SLC9A9: variants seen among roughly 807,000 people sequenced by gnomAD.
SLC9A9 encodes the protein solute carrier family 9 member A9.
In SLC9A9, 62 loss-of-function variants were observed where a neutral mutation model predicts 77.8. That is an observed-to-expected ratio of 0.80 (90% confidence interval 0.65 to 0.98). The LOEUF is 0.98. Ranked by LOEUF, SLC9A9 falls within the 50% of genes least tolerant of loss-of-function variation. The pLI, the probability that SLC9A9 is intolerant of heterozygous loss-of-function variation, is 0.00. For missense variants in SLC9A9, 775 were observed against 774.9 expected, an observed-to-expected ratio of 1.00 and a Z score of 0.00; for synonymous variants, 320 against 283.5, an observed-to-expected ratio of 1.13 and a Z score of -1.29.
At chr3:143,485,360 C>T (rs944570855) in intron 11 of SLC9A9, among the ~76,000 whole-genome samples, 3 of 152,058 alleles carry the variant, frequency 2.0e-5, no homozygotes, top group Admixed American at 6.6e-5. Context: ...ATTTTTTTCA[C>T]CTTCGATTTT....
At chr3:143,386,731 A>T (rs1204150246) in intron 12 of SLC9A9, among the ~76,000 whole-genome samples, 1 of 152,170 alleles carries the variant, frequency 6.6e-6, no homozygotes, top group Non-Finnish European at 1.5e-5. Flanking sequence ...CAACCACCAC[A>T]ATTGAGCCAC....
chr3:143,558,995 G>C (rs562455573), intron 8 of SLC9A9, among the ~76,000 whole-genome samples: 2 of 152,240 alleles, frequency 1.3e-5, no homozygotes, highest in African/African-American at 2.4e-5. Flanking sequence ...TTTCCCCCAT[G>C]CTGTTCTCAT....
At chr3:143,749,648 G>A (rs949144868) in intron 4 of SLC9A9, among the ~76,000 whole-genome samples, 21 of 152,294 alleles carry the variant, frequency 1.4e-4, no homozygotes, top group Admixed American at 1.2e-3. Flanking sequence ...ATGGTTACTT[G>A]GGATAAAAGA....
At chr3:143,490,429 C>CA (rs2035721470) in intron 11 of SLC9A9, among the ~76,000 whole-genome samples, 1 of 151,994 alleles carries the variant, frequency 6.6e-6, no homozygotes, top group Non-Finnish European at 1.5e-5. Flanking sequence ...CACAAAAAGA[C>CA]AAATACTATA....
intron 12 of SLC9A9, among the ~76,000 whole-genome samples, chr3:143,434,680 T>C (rs2034589009): frequency 6.6e-6 from 1 of 152,148 alleles, no homozygotes; most frequent in African/African-American, 2.4e-5. Context: ...TAGGTCATCT[T>C]ATCTCACCTG....
intron 4 of SLC9A9, among the ~76,000 whole-genome samples, chr3:143,762,175 C>A (rs1367895416): frequency 1.3e-5 from 2 of 151,918 alleles, no homozygotes; most frequent in South Asian, 2.1e-4. Context: ...GGAACATCAC[C>A]CACTGGGGCC....
intron 4 of SLC9A9, among the ~76,000 whole-genome samples, chr3:143,770,485 G>C (rs757063105): frequency 1.3e-5 from 2 of 152,168 alleles, no homozygotes; most frequent in Non-Finnish European, 2.9e-5. Flanking sequence ...GAATATCTGG[G>C]TAACAATCTT....
chr3:143,801,457 T>C (rs1055922748), intron 2 of SLC9A9, among the ~76,000 whole-genome samples: 4 of 152,146 alleles, frequency 2.6e-5, no homozygotes, highest in Non-Finnish European at 1.5e-5. Context: ...GCTCCTTCAG[T>C]TATACTCACT....
chr3:143,574,435 G>A (rs1169220384), intron 7 of SLC9A9, among the ~76,000 whole-genome samples: 1 of 152,166 alleles, frequency 6.6e-6, no homozygotes, highest in Non-Finnish European at 1.5e-5. Flanking sequence ...GATTAAAAAG[G>A]TGTCTTCCTA....
intron 14 of SLC9A9, among the ~76,000 whole-genome samples, chr3:143,317,148 C>A (rs2031241031): frequency 6.6e-6 from 1 of 152,188 alleles, no homozygotes; most frequent in Non-Finnish European, 1.5e-5. Flanking sequence ...AAGAACCAAT[C>A]TAATGTCAAC....
chr3:143,393,707 G>C (rs1307387152), intron 12 of SLC9A9, among the ~76,000 whole-genome samples: 1 of 151,842 alleles, frequency 6.6e-6, no homozygotes, highest in East Asian at 1.9e-4. Context: ...CCGCTAGCAA[G>C]ACTAATAAAG....
chr3:143,508,404 G>A (rs2036063368), intron 9 of SLC9A9, among the ~76,000 whole-genome samples: 2 of 152,150 alleles, frequency 1.3e-5, no homozygotes, highest in Non-Finnish European at 2.9e-5. Context: ...AGATCATCAG[G>A]ACAAACACAA....
At chr3:143,742,854 G>A (rs1318039554) in intron 4 of SLC9A9, among the ~76,000 whole-genome samples, 1 of 151,934 alleles carries the variant, frequency 6.6e-6, no homozygotes, top group East Asian at 1.9e-4. Context: ...TGTTTGTAAT[G>A]GAAACTCTTT....
intron 4 of SLC9A9, among the ~76,000 whole-genome samples, chr3:143,739,776 C>A (rs1302814428): frequency 6.6e-6 from 1 of 152,190 alleles, no homozygotes; most frequent in Non-Finnish European, 1.5e-5. Context: ...TCTCAGTGTG[C>A]TCTCTATACC....
intron 9 of SLC9A9, among the ~76,000 whole-genome samples, chr3:143,529,833 G>C (rs1041847625): frequency 6.6e-6 from 1 of 152,296 alleles, no homozygotes; most frequent in East Asian, 1.9e-4. Context: ...ATCTGATGCT[G>C]TATTTCCAGT....
intron 14 of SLC9A9, among the ~76,000 whole-genome samples, chr3:143,273,363 G>A (rs1299734264): frequency 2.0e-5 from 3 of 152,168 alleles, no homozygotes; most frequent in African/African-American, 7.2e-5. Flanking sequence ...GAGCTAATCA[G>A]GGTGGGGCCC....
At chr3:143,378,894 CT>C (rs546683943) in intron 13 of SLC9A9, among the ~76,000 whole-genome samples, 259 of 152,248 alleles carry the variant, frequency 1.7e-3, no homozygotes, top group Non-Finnish European at 3.0e-3. Context: ...CATTCACATT[CT>C]AAAGGTATTG....
chr3:143,833,378 A>G (rs2009487642), intron 1 of SLC9A9, among the ~76,000 whole-genome samples: 1 of 152,226 alleles, frequency 6.6e-6, no homozygotes, highest in Middle Eastern at 3.2e-3. Flanking sequence ...AGATTCATGA[A>G]CAAACAATTA....
chr3:143,763,498 C>T lies in SLC9A9; in HGVS notation c.533+31503G>A, dbSNP rs927503554. 1.2e-4 allele frequency among the ~76,000 whole-genome samples: 18 copies of T among 152,262 alleles called. No homozygotes were observed. The South Asian group carries it at 3.3e-3, about 28-fold the overall frequency. On this transcript the variant is annotated intron_variant, in intron 4 of 15. Coordinates refer to ENST00000316549, the MANE Select transcript of SLC9A9 (RefSeq NM_173653.4). ...TTTTAAAGAAAAGCACAAGCCCCTT[C>T]CAGTTCTCTTTGATAATAAAATACC...
Sources: allele counts gnomAD v4.1 joint callset (sites outside exome capture counted in the v4.1 genomes callset), GRCh38; gene constraint gnomAD v4.1.1; transcripts MANE v1.5; gene names NCBI Gene and HGNC (gene_info 2026-07-23, HGNC 2026-07-21).